Variants in GRIK1 observed in about 807,000 individuals in gnomAD.
GRIK1 encodes glutamate ionotropic receptor kainate type subunit 1.
Under a neutral mutation model 105.7 loss-of-function variants are expected in GRIK1, and 69 were observed. The observed-to-expected ratio is 0.65, with a 90% CI of 0.54 to 0.80. The LOEUF is 0.80. GRIK1 is among the 30% of genes least tolerant of loss of function. The pLI is 0.00. For synonymous variants in GRIK1, 438 were observed against 431.3 expected (o/e 1.02, Z -0.19); for missense variants, 1,109 against 1,167.3 (o/e 0.95, Z 0.73).
intron 1 of GRIK1, among the ~76,000 whole-genome samples, chr21:29,749,983 TTA>T (rs148025361): frequency 0.015 from 2,297 of 152,152 alleles, 68 homozygotes; most frequent in African/African-American, 0.053. Context: ...TTTTATTTAT[TTA>T]TATATTTCAT....
At chr21:29,804,616 T>C (rs2066809989) in intron 1 of GRIK1, among the ~76,000 whole-genome samples, 1 of 152,200 alleles carries the variant, frequency 6.6e-6, no homozygotes, top group South Asian at 2.1e-4. Context: ...CAAATTATTT[T>C]CAGTTTAATT....
At chr21:29,854,531 A>G (rs1418385711) in intron 1 of GRIK1, among the ~76,000 whole-genome samples, 1 of 152,146 alleles carries the variant, frequency 6.6e-6, no homozygotes, top group Non-Finnish European at 1.5e-5. Context: ...AGAAATTACT[A>G]TGCCTGGAAT....
intron 1 of GRIK1, among the ~76,000 whole-genome samples, chr21:29,910,865 A>G (rs530877833): frequency 3.4e-4 from 52 of 152,250 alleles, no homozygotes; most frequent in Admixed American, 5.9e-4. Context: ...GCATGATTAA[A>G]GAAGACAATT....
intron 1 of GRIK1, among the ~76,000 whole-genome samples, chr21:29,712,079 T>TACATACAC (rs2064065123): frequency 3.3e-5 from 1 of 30,294 alleles, no homozygotes; most frequent in East Asian, 9.8e-4. Context: ...TATGTATACA[T>TACATACAC]ACATACACAC....
intron 1 of GRIK1, among the ~76,000 whole-genome samples, chr21:29,775,567 T>C (rs2065922180): frequency 1.3e-5 from 2 of 152,094 alleles, no homozygotes; most frequent in South Asian, 4.1e-4. Context: ...CCCTCACAAC[T>C]TGAACTTCCC....
chr21:29,922,129 C>T (rs1380621990), intron 1 of GRIK1, among the ~76,000 whole-genome samples: 1 of 152,112 alleles, frequency 6.6e-6, no homozygotes, highest in Admixed American at 6.6e-5. Flanking sequence ...CACCATTAAT[C>T]TGATTCTGTT....
At chr21:29,837,898 A>T (rs1307572487) in intron 1 of GRIK1, among the ~76,000 whole-genome samples, 1 of 152,164 alleles carries the variant, frequency 6.6e-6, no homozygotes, top group African/African-American at 2.4e-5. Context: ...GCCCCAAGAA[A>T]CTTTATATTT....
chr21:29,547,708 T>C (rs1296307217), intron 16 of GRIK1, among the ~76,000 whole-genome samples: 1 of 152,252 alleles, frequency 6.6e-6, no homozygotes, highest in African/African-American at 2.4e-5. Context: ...TGTTAATTGC[T>C]TCCTGGCTTT....
chr21:29,552,255 T>G (rs1244677009), intron 16 of GRIK1, among the ~76,000 whole-genome samples: 1 of 152,114 alleles, frequency 6.6e-6, no homozygotes, highest in Non-Finnish European at 1.5e-5. Context: ...GATAATCCCA[T>G]TAAGAAAAGA....
At chr21:29,612,930 A>G (rs2061761442) in intron 7 of GRIK1, among the ~76,000 whole-genome samples, 1 of 152,212 alleles carries the variant, frequency 6.6e-6, no homozygotes, top group South Asian at 2.1e-4. Context: ...TTTAATTGCT[A>G]TCAAGTTTTA....
intron 1 of GRIK1, among the ~76,000 whole-genome samples, chr21:29,820,151 G>A (rs1212112806): frequency 6.6e-6 from 1 of 152,180 alleles, no homozygotes; most frequent in Non-Finnish European, 1.5e-5. Context: ...GCACACATAT[G>A]TGGGTCCCCA....
intron 1 of GRIK1, among the ~76,000 whole-genome samples, chr21:29,706,805 A>C (rs549970844): frequency 6.2e-4 from 95 of 152,344 alleles, no homozygotes; most frequent in African/African-American, 2.1e-3. Flanking sequence ...AGTCCACTTG[A>C]CTGCTCAATG....
At chr21:29,698,656 C>A (rs911481569) in intron 1 of GRIK1, among the ~76,000 whole-genome samples, 2 of 152,114 alleles carry the variant, frequency 1.3e-5, no homozygotes, top group African/African-American at 4.8e-5. Context: ...AGATCACCTG[C>A]CAGTCTTTAT....
At chr21:29,653,951 C>T (rs911403136) in intron 5 of GRIK1, among the ~76,000 whole-genome samples, 2 of 152,210 alleles carry the variant, frequency 1.3e-5, no homozygotes, top group African/African-American at 4.8e-5. Flanking sequence ...TTTACTACTT[C>T]GGGTCCTTAT....
chr21:29,672,662 AAGAGAGAG>A (rs72451934), intron 4 of GRIK1, among the ~76,000 whole-genome samples: 60 of 146,196 alleles, frequency 4.1e-4, no homozygotes, highest in African/African-American at 1.5e-3. Flanking sequence ...CAAGAGACAT[AAGAGAGAG>A]AGAGAGAGAG....
intron 15 of GRIK1, among the ~76,000 whole-genome samples, chr21:29,560,569 T>A (rs1392231679): frequency 7.5e-6 from 1 of 132,852 alleles, no homozygotes; most frequent in Non-Finnish European, 1.6e-5. Context: ...TCTTTCTTTC[T>A]TTCTTTCTCT....
chr21:29,766,929 T>C (rs541075135), intron 1 of GRIK1, among the ~76,000 whole-genome samples: 1 of 152,252 alleles, frequency 6.6e-6, no homozygotes, highest in Non-Finnish European at 1.5e-5. Context: ...GGCTCTGTTA[T>C]GGGATTGTTT....
intron 13 of GRIK1, among the ~76,000 whole-genome samples, chr21:29,579,424 G>C (rs931247288): frequency 6.6e-6 from 1 of 152,170 alleles, no homozygotes; most frequent in Admixed American, 6.5e-5. Flanking sequence ...TATTTGGGAT[G>C]AGAGACAATA....
intron 10 of GRIK1, among the ~76,000 whole-genome samples, chr21:29,590,088 C>G (rs1427507483): frequency 1.3e-5 from 2 of 152,084 alleles, no homozygotes. Context: ...TAAATGAATC[C>G]TCATTTGGTT....
Sources: gnomAD v4.1 joint callset for allele counts (sites outside exome capture counted in the v4.1 genomes callset) on GRCh38, gnomAD v4.1.1 for gene constraint, MANE v1.5 for transcripts, NCBI Gene and HGNC (gene_info 2026-07-23, HGNC 2026-07-21) for gene names.